Variants in SLIT1 observed in about 807,000 individuals in gnomAD.
SLIT1 encodes slit homolog 1 protein.
SLIT1 carries 66 observed loss-of-function variants against 186.1 expected under a neutral mutation model. The ratio of observed to expected loss-of-function variants is 0.35; its 90% CI spans 0.29 to 0.44. The LOEUF (loss-of-function observed/expected upper bound fraction) is 0.44. SLIT1 is among the 20% of genes least tolerant of loss of function. SLIT1 has a pLI of 1.00. For synonymous variants in SLIT1, 761 were observed against 833.8 expected, an observed-to-expected ratio of 0.91 and a Z score of 1.50; for missense variants, 1,638 against 2,037.4, an observed-to-expected ratio of 0.80 and a Z score of 3.77.
rs760510835 is a variant in SLIT1, at chr10:97,001,268, CAG to C, written c.4447_4448del (p.Leu1483ValfsTer28). 5.0e-6 allele frequency: 8 copies of C among 1,613,112 alleles called. No homozygotes were observed. Among genetic ancestry groups the C allele is most frequent in the Non-Finnish European group, 6.8e-6 (8 of 1,180,016 alleles). ...GYAICQTTRP[L>X]SWVECRGSCP... ...ACGAGCCCCGGCACTCCACCCATGA[CAG>C]GGGGCGCGTGGTCTGGCAGATGGCA... On this transcript the variant is annotated frameshift_variant, in exon 37 of 37. Coordinates refer to ENST00000266058, the MANE Select transcript of SLIT1 (RefSeq NM_003061.3). LOFTEE classifies it high-confidence loss of function.
rs530663023 is a variant in SLIT1 at position 97,185,842 on chromosome 10, C to T, written c.-168G>A. On this transcript the variant is annotated 5_prime_UTR_variant, in exon 1 of 37. Transcript: ENST00000266058. ...GGCACCTTGCTCCTCCAAGCGACGG[C>T]GCCTGTGCGCGGACGGAGGGAGGGC... 4.8e-5 allele frequency: 27 copies of T among 559,676 alleles called. No homozygotes were observed. Among genetic ancestry groups the T allele is most frequent in the African/African-American group, 4.8e-4 (24 of 50,094 alleles). The allele number at this position is 559,676 out of a possible 1,614,324, so 34.7% of individuals were successfully genotyped here. A position where few individuals can be genotyped will look rare whatever the true frequency, so the allele number is the denominator to read the frequency against.
chr10:97,132,446 G>A (rs1019457721), intron 4 of SLIT1, among the ~76,000 whole-genome samples: 1 of 152,170 alleles, frequency 6.6e-6, no homozygotes, highest in Non-Finnish European at 1.5e-5. Context: ...ACCACCTTCA[G>A]AACTGCCCCC....
chr10:97,001,654 CATT>C (rs558763262), intron 36 of SLIT1, among the ~76,000 whole-genome samples: 46 of 152,238 alleles, frequency 3.0e-4, no homozygotes, highest in Admixed American at 1.6e-3. Context: ...GGGGCAATAA[CATT>C]ATGAAAAGGA....
chr10:97,157,848 A>T lies in SLIT1; in HGVS notation c.383T>A (p.Leu128Gln). The change falls in exon 4 of 37, where the codon CTG becomes CAG. Residue 128 changes from leucine to glutamine, a missense_variant. This residue lies in a region of SLIT1 where 1,245 missense variants were observed against 1,535.3 expected (regional missense o/e 0.81). Transcript: ENST00000266058. ...RNQLHMLPELLFQNNQALSRL... is the reference protein window; with the variant it reads ...RNQLHMLPELQFQNNQALSRL... ...TGACAAAGCCTGGTTGTTCTGGAAC[A>T]GCAGTTCCGGTAACATGTGCAGCTG... 2 of 1,614,056 alleles carry T rather than the reference A, an allele frequency of 1.2e-6. No individual in the cohort carries two copies. The highest frequency in any genetic ancestry group is 1.7e-6 in the Non-Finnish European group (2 of 1,179,848).
At chr10:97,111,758 G>T (rs556723946) in intron 4 of SLIT1, among the ~76,000 whole-genome samples, 1 of 152,156 alleles carries the variant, frequency 6.6e-6, no homozygotes, top group Non-Finnish European at 1.5e-5. Flanking sequence ...GCGTTCACTC[G>T]TTTCCATGAA....
intron 4 of SLIT1, among the ~76,000 whole-genome samples, chr10:97,136,130 G>C (rs1390674963): frequency 6.6e-6 from 1 of 152,190 alleles, no homozygotes; most frequent in African/African-American, 2.4e-5. Context: ...AGTCCTTATA[G>C]AATGTACAGT....
At chr10:97,175,582 G>A (rs905366601) in intron 1 of SLIT1, among the ~76,000 whole-genome samples, 2 of 152,138 alleles carry the variant, frequency 1.3e-5, no homozygotes, top group Admixed American at 6.5e-5. Context: ...GTGGGTGTGA[G>A]GTAGTCACGG....
intron 30 of SLIT1, among the ~76,000 whole-genome samples, chr10:97,013,444 C>T (rs1302081096): frequency 6.6e-6 from 1 of 152,150 alleles, no homozygotes; most frequent in African/African-American, 2.4e-5. Flanking sequence ...CTTACCCTTG[C>T]AATCACCCCA....
intron 4 of SLIT1, among the ~76,000 whole-genome samples, chr10:97,083,713 C>T (rs1564670862): frequency 6.6e-6 from 1 of 152,180 alleles, no homozygotes; most frequent in Non-Finnish European, 1.5e-5. Flanking sequence ...TCTTGCCTCC[C>T]AGAATTCCTA....
rs559318799 is a variant in SLIT1, at chr10:97,063,567, C to T, written c.681G>A (p.Ser227=). ...TGGTTGGCCGCTGCCTCAGCCACTG[C>T]GAGAGCCAGGCCAGGTGGCAGTCGC... is the stretch of plus-strand genomic sequence containing the variant. ...LFCDCHLAWL[S]QWLRQRPTIG... Residue 227 remains serine, a synonymous_variant, in exon 8 of 37, where the codon TCG becomes TCA. Coordinates refer to ENST00000266058, the MANE Select transcript of SLIT1 (RefSeq NM_003061.3). 14 of 1,613,222 alleles carry T rather than the reference C, an allele frequency of 8.7e-6. No homozygotes were observed. The highest frequency in any genetic ancestry group is 1.7e-4 in the Middle Eastern group (1 of 5,790).
chr10:97,119,249 T>A (rs1181974795), intron 4 of SLIT1, among the ~76,000 whole-genome samples: 2 of 152,136 alleles, frequency 1.3e-5, no homozygotes, highest in Non-Finnish European at 2.9e-5. Flanking sequence ...CTCATCGCCA[T>A]CCTATTGGCT....
chr10:97,114,938 C>T (rs1849496035), intron 4 of SLIT1, among the ~76,000 whole-genome samples: 1 of 152,150 alleles, frequency 6.6e-6, no homozygotes, highest in Non-Finnish European at 1.5e-5. Flanking sequence ...ATGGAAAACC[C>T]TTAGCACATG....
At chr10:97,070,673 G>A (rs1008505776) in intron 4 of SLIT1, among the ~76,000 whole-genome samples, 5 of 152,196 alleles carry the variant, frequency 3.3e-5, no homozygotes, top group Non-Finnish European at 7.3e-5. Flanking sequence ...TCCTCCGTGT[G>A]AGGACACAGC....
At chr10:97,104,485 A>C (rs1231852528) in intron 4 of SLIT1, among the ~76,000 whole-genome samples, 2 of 152,102 alleles carry the variant, frequency 1.3e-5, no homozygotes, top group East Asian at 3.9e-4. Flanking sequence ...TAACATCAGC[A>C]ACTGTTATAC....
intron 25 of SLIT1, among the ~76,000 whole-genome samples, chr10:97,024,362 T>C (rs138368574): frequency 0.011 from 1,743 of 152,200 alleles, 26 homozygotes; most frequent in Middle Eastern, 0.031. Context: ...GCTCCCTTAA[T>C]ATATCTGGGG....
At chr10:97,001,819 A>G (rs866729290) in intron 36 of SLIT1, among the ~76,000 whole-genome samples, 23 of 152,050 alleles carry the variant, frequency 1.5e-4, no homozygotes, top group African/African-American at 5.5e-4. Context: ...GGAGTCCCCA[A>G]CCCTCGGACT....
chr10:97,151,002 C>T (rs527580749), intron 4 of SLIT1, among the ~76,000 whole-genome samples: 2 of 152,076 alleles, frequency 1.3e-5, no homozygotes, highest in Non-Finnish European at 2.9e-5. Context: ...ACCTGCCCCC[C>T]CGCCGGAAGG....
intron 20 of SLIT1, 28 bp from the exon 21 acceptor site, chr10:97,040,148 C>A: frequency 6.5e-7 from 1 of 1,528,952 alleles, no homozygotes; most frequent in South Asian, 1.3e-5. Context: ...AAGCCCCTGT[C>A]AGGGAGGTGG....
At chr10:97,045,783 G>A (rs1278965744) in intron 18 of SLIT1, among the ~76,000 whole-genome samples, 1 of 152,182 alleles carries the variant, frequency 6.6e-6, no homozygotes, top group Non-Finnish European at 1.5e-5. Flanking sequence ...AATCCACAGG[G>A]AGTCCTGTCA....
Sources: gnomAD v4.1 joint callset for allele counts (sites outside exome capture counted in the v4.1 genomes callset) on GRCh38, gnomAD v4.1.1 for gene constraint, gnomAD v4.1.1 regional missense constraint, MANE v1.5 for transcripts, NCBI Gene and HGNC (gene_info 2026-07-23, HGNC 2026-07-21) for gene names.